Variants in PHYHIPL observed in about 807,000 individuals in gnomAD.
The protein encoded by PHYHIPL is phytanoyl-CoA 2-hydroxylase interacting protein like, also known as phytanoyl-CoA hydroxylase-interacting protein-like.
In PHYHIPL, 9 loss-of-function variants were observed where a neutral mutation model predicts 33.4. The observed-to-expected ratio is 0.27, with a 90% CI of 0.16 to 0.47. The LOEUF (loss-of-function observed/expected upper bound fraction) is 0.47, where lower values mean the gene tolerates loss of function less well. Ranked by LOEUF, PHYHIPL falls within the 20% of genes least tolerant of loss-of-function variation. The pLI is 0.99. For synonymous variants in PHYHIPL, 153 were observed against 154.1 expected (o/e 0.99, Z 0.05); for missense variants, 365 against 460.7 (o/e 0.79, Z 1.90).
chr10:59,214,417 A>G (rs1839550403), intron 1 of PHYHIPL, among the ~76,000 whole-genome samples: 2 of 152,126 alleles, frequency 1.3e-5, no homozygotes, highest in South Asian at 2.1e-4. Flanking sequence ...AAACACAGCA[A>G]TTATACTGTA....
chr10:59,221,819 A>C (rs974597704), intron 1 of PHYHIPL: 1 of 464,842 alleles, frequency 2.2e-6, no homozygotes, highest in Admixed American at 6.4e-5. Flanking sequence ...CTTGGGCTTC[A>C]GAGTCTGAAG....
intron 4 of PHYHIPL, among the ~76,000 whole-genome samples, chr10:59,241,498 T>G (rs1281882958): frequency 6.6e-6 from 1 of 152,154 alleles, no homozygotes; most frequent in Non-Finnish European, 1.5e-5. Context: ...AAACTCCTTT[T>G]ATATCTGAAG....
intron 1 of PHYHIPL, among the ~76,000 whole-genome samples, chr10:59,191,024 GA>G (rs1230455147): frequency 6.6e-6 from 1 of 151,764 alleles, no homozygotes; most frequent in Non-Finnish European, 1.5e-5. Context: ...CCATTCCTGT[GA>G]TTTTTTATGT....
intron 1 of PHYHIPL, among the ~76,000 whole-genome samples, chr10:59,185,553 A>G (rs1488326078): frequency 1.3e-5 from 2 of 152,290 alleles, no homozygotes; most frequent in African/African-American, 4.8e-5. Context: ...GACTTCCACA[A>G]TGGTTGAACT....
intron 4 of PHYHIPL, among the ~76,000 whole-genome samples, chr10:59,244,292 C>A (rs759963865): frequency 6.6e-6 from 1 of 152,046 alleles, no homozygotes; most frequent in African/African-American, 2.4e-5. Context: ...AAGGGCTGAG[C>A]GTGGTGGCTC....
At chr10:59,184,116 G>A (rs1227666635) in intron 1 of PHYHIPL, among the ~76,000 whole-genome samples, 3 of 152,136 alleles carry the variant, frequency 2.0e-5, no homozygotes, top group African/African-American at 7.2e-5. Flanking sequence ...CTTAATGGCT[G>A]CATTTTAGAG....
chr10:59,213,860 T>C (rs1839535051), intron 1 of PHYHIPL, among the ~76,000 whole-genome samples: 1 of 152,180 alleles, frequency 6.6e-6, no homozygotes, highest in Non-Finnish European at 1.5e-5. Flanking sequence ...AAACAAAGGA[T>C]GAAGCATAGC....
intron 1 of PHYHIPL, among the ~76,000 whole-genome samples, chr10:59,184,627 G>GT (rs554576165): frequency 2.0e-3 from 297 of 145,748 alleles, no homozygotes; most frequent in South Asian, 3.7e-3. Context: ...ACAGGCCCTA[G>GT]TTTTTTTTTT....
intron 1 of PHYHIPL, among the ~76,000 whole-genome samples, chr10:59,212,015 A>G (rs1351975870): frequency 6.6e-6 from 1 of 152,154 alleles, no homozygotes; most frequent in Non-Finnish European, 1.5e-5. Context: ...GCGCTCATGA[A>G]TGGATTAATC....
rs773393338 is a variant in PHYHIPL, at chr10:59,187,328, T to C, written c.106+10369T>C. ...AGGGATGAAGCCGACTTGATTATGG[T>C]GGATGAGCTTTTTGATGTGTTGCTG... On this transcript the variant is annotated intron_variant, in intron 1 of 4. Transcript: ENST00000373880. 2.0e-5 allele frequency among the ~76,000 whole-genome samples: 3 copies of C among 152,230 alleles called. No individual in the cohort carries two copies. In the South Asian group the frequency reaches 6.2e-4, roughly 31 times the overall value.
chr10:59,235,205 A>T (rs1399030228), intron 2 of PHYHIPL, among the ~76,000 whole-genome samples: 1 of 151,420 alleles, frequency 6.6e-6, no homozygotes. Flanking sequence ...TGATAATGAA[A>T]TTTTTTTGTC....
intron 3 of PHYHIPL, 130 bp from the exon 4 acceptor site, chr10:59,238,458 T>G: frequency 2.1e-6 from 1 of 470,496 alleles, no homozygotes; most frequent in East Asian, 3.2e-5. Context: ...TTTTCTTTTT[T>G]AAATGGAATT....
Position 59,227,975 on chromosome 10 carries a change from G to GATATAGATATATATATATATATAT in PHYHIPL, c.107-6324_107-6323insGATATATATATATATATATATATA, listed in dbSNP as rs1554799096. Among the ~76,000 whole-genome samples the GATATAGATATATATATATATATAT allele has an allele frequency of 1.4e-4, 20 of 145,564 alleles. 1 individual carries two copies. Among genetic ancestry groups the GATATAGATATATATATATATATAT allele is most frequent in the Admixed American group, 5.4e-4 (8 of 14,900 alleles). ...TAAGATTTTAATTTTTGCCTATTGAGATATATATATATGTTTTAAATAACA... is the reference window on the plus strand; with the variant it reads ...TAAGATTTTAATTTTTGCCTATTGAGATATAGATATATATATATATATATATATATATATATGTTTTAAATAACA... On this transcript the variant is annotated intron_variant, in intron 1 of 4. Coordinates refer to ENST00000373880, the MANE Select transcript of PHYHIPL (RefSeq NM_032439.4).
intron 1 of PHYHIPL, among the ~76,000 whole-genome samples, chr10:59,191,104 GT>G (rs1838772206): frequency 6.6e-6 from 1 of 151,702 alleles, no homozygotes; most frequent in Non-Finnish European, 1.5e-5. Flanking sequence ...TTAAAAATTG[GT>G]TTAGACATTA....
At chr10:59,194,301 C>T (rs993083048) in intron 1 of PHYHIPL, among the ~76,000 whole-genome samples, 3 of 152,060 alleles carry the variant, frequency 2.0e-5, no homozygotes, top group Admixed American at 2.0e-4. Context: ...TATGGATCCA[C>T]CATTGAATGT....
At chr10:59,243,328 T>C (rs1840480215) in intron 4 of PHYHIPL, among the ~76,000 whole-genome samples, 1 of 152,140 alleles carries the variant, frequency 6.6e-6, no homozygotes, top group South Asian at 2.1e-4. Flanking sequence ...GGAATTAAGA[T>C]ATGCTCAGAT....
At chr10:59,200,002 A>G (rs1017270322) in intron 1 of PHYHIPL, among the ~76,000 whole-genome samples, 1 of 152,148 alleles carries the variant, frequency 6.6e-6, no homozygotes, top group African/African-American at 2.4e-5. Flanking sequence ...TCATCTGCAA[A>G]CAGGGTCAAT....
intron 1 of PHYHIPL, among the ~76,000 whole-genome samples, chr10:59,226,459 T>C (rs2133269321): frequency 6.6e-6 from 1 of 152,186 alleles, no homozygotes; most frequent in South Asian, 2.1e-4. Context: ...CCCACAGAAC[T>C]GCACCAGGCA....
chr10:59,206,650 G>A (rs943134811), intron 1 of PHYHIPL: 1 of 287,602 alleles, frequency 3.5e-6, no homozygotes, highest in African/African-American at 2.3e-5. Context: ...ACATTTAGAA[G>A]CACATTTATT....
Sources: gnomAD v4.1 joint callset for allele counts (sites outside exome capture counted in the v4.1 genomes callset) on GRCh38, gnomAD v4.1.1 for gene constraint, MANE v1.5 for transcripts, NCBI Gene and HGNC (gene_info 2026-07-23, HGNC 2026-07-21) for gene names.